Variants in RGS6 observed in about 807,000 individuals in gnomAD.
RGS6 encodes the protein regulator of G protein signaling 6, also known as regulator of G-protein signaling 6.
In RGS6, 30 loss-of-function variants were observed where a neutral mutation model predicts 78.5. That is an observed-to-expected ratio of 0.38 (90% confidence interval 0.29 to 0.52). RGS6 has a LOEUF of 0.52. Ranked by LOEUF, RGS6 falls within the 20% of genes least tolerant of loss-of-function variation. The probability of loss-of-function intolerance (pLI) is 0.85; values close to 1 mark genes in which losing one functional copy is unlikely to be tolerated. For synonymous variants in RGS6, 206 were observed against 206.0 expected, an observed-to-expected ratio of 1.00 and a Z score of 0.00; for missense variants, 495 against 609.7, an observed-to-expected ratio of 0.81 and a Z score of 1.98.
the RGS6 span, among the ~76,000 whole-genome samples, chr14:72,593,150 C>A: frequency 6.6e-6 from 1 of 152,206 alleles, no homozygotes; most frequent in Non-Finnish European, 1.5e-5. Flanking sequence ...GGACCCACAA[C>A]CATGCCCAAG....
At chr14:72,583,691 T>A in the RGS6 span, among the ~76,000 whole-genome samples, 1 of 152,208 alleles carries the variant, frequency 6.6e-6, no homozygotes, top group African/African-American at 2.4e-5. Context: ...TTTCTGCCAA[T>A]CCTTCTTGAT....
At chr14:72,377,471 C>G (rs2085048629) in intron 3 of RGS6, among the ~76,000 whole-genome samples, 1 of 152,050 alleles carries the variant, frequency 6.6e-6, no homozygotes, top group African/African-American at 2.4e-5. Context: ...ACCCCACTCT[C>G]AGCCTTCGAC....
intron 2 of RGS6, among the ~76,000 whole-genome samples, chr14:71,980,454 C>T (rs1010730927): frequency 2.1e-5 from 3 of 144,948 alleles, no homozygotes; most frequent in African/African-American, 7.7e-5. Flanking sequence ...TAGGGCAGGC[C>T]TGGTGGTGAC....
the RGS6 span, among the ~76,000 whole-genome samples, chr14:72,600,687 A>G: frequency 6.6e-6 from 1 of 152,098 alleles, no homozygotes; most frequent in Admixed American, 6.6e-5. Flanking sequence ...TCATGTTCTC[A>G]GTCTGGACCC....
At chr14:71,907,511 G>C in the RGS6 span, among the ~76,000 whole-genome samples, 5 of 152,152 alleles carry the variant, frequency 3.3e-5, no homozygotes, top group Admixed American at 3.3e-4. Context: ...GGAGAGGCAG[G>C]GCTGGAGAGG....
At chr14:72,359,303 C>G (rs1296576892) in intron 3 of RGS6, among the ~76,000 whole-genome samples, 1 of 151,336 alleles carries the variant, frequency 6.6e-6, no homozygotes, top group South Asian at 2.1e-4. Flanking sequence ...ATGATCCACA[C>G]TTTTTGGCTT....
chr14:72,046,986 T>A (rs1024850077), intron 2 of RGS6, among the ~76,000 whole-genome samples: 27 of 152,354 alleles, frequency 1.8e-4, no homozygotes, highest in African/African-American at 5.0e-4. Context: ...TTTTGTTAGA[T>A]GATCCTATGG....
chr14:72,080,947 A>C (rs1042518899), intron 2 of RGS6, among the ~76,000 whole-genome samples: 3 of 152,140 alleles, frequency 2.0e-5, no homozygotes, highest in African/African-American at 7.2e-5. Context: ...GAAATCAGGT[A>C]GTGTGATGTC....
chr14:71,918,184 C>CAAAAAAAAAAAAAAA, the RGS6 span, among the ~76,000 whole-genome samples: 5 of 33,724 alleles, frequency 1.5e-4, 1 homozygote, highest in African/African-American at 1.8e-4. Flanking sequence ...ACTCCAGTCT[C>CAAAAAAAAAAAAAAA]AAAAAAAAAA....
Position 72,506,984 on chromosome 14 carries a change from TAAAAAAAAAAAAAA to T in RGS6, c.966-3148_966-3135del, listed in dbSNP as rs71109738. On this transcript the variant is annotated intron_variant, in intron 13 of 17. Transcript: ENST00000553525. ...TAACACGGTGAAACCCTGTCTCTACTAAAAAAAAAAAAAAAAAAAAAAAAAAAAAAAAAAATTAG... is the reference window on the plus strand; with the variant it reads ...TAACACGGTGAAACCCTGTCTCTACTAAAAAAAAAAAAAAAAAAAAATTAG... 5.0e-4 allele frequency among the ~76,000 whole-genome samples: 27 copies of T among 54,400 alleles called. No individual in the cohort carries two copies. The East Asian group carries it at 5.5e-3, about 11-fold the overall frequency. 35.7% of individuals were successfully genotyped at this position (54,400 alleles called of 152,430 possible). A position where few individuals can be genotyped will look rare whatever the true frequency, so the allele number is the denominator to read the frequency against.
At chr14:72,003,523 A>G (rs2083901671) in intron 2 of RGS6, among the ~76,000 whole-genome samples, 1 of 152,136 alleles carries the variant, frequency 6.6e-6, no homozygotes, top group Non-Finnish European at 1.5e-5. Context: ...ACATACCTTG[A>G]TTATTAGCTT....
intron 2 of RGS6, among the ~76,000 whole-genome samples, chr14:72,131,543 C>T (rs2096316145): frequency 6.6e-6 from 1 of 152,176 alleles, no homozygotes; most frequent in Admixed American, 6.5e-5. Context: ...GTCTCCCTGT[C>T]TCACCTCAGG....
chr14:72,513,048 A>T (rs910199954), intron 14 of RGS6, among the ~76,000 whole-genome samples: 2 of 152,178 alleles, frequency 1.3e-5, no homozygotes, highest in Non-Finnish European at 2.9e-5. Context: ...AGGATTGGTG[A>T]GGGGCCCAGG....
rs188633999 is a variant in RGS6 at position 72,120,911 on chromosome 14, G to A, written c.84+156036G>A. Among the ~76,000 whole-genome samples, 457 of 152,276 alleles carry A rather than the reference G, an allele frequency of 3.0e-3. 3 individuals are homozygous for A. The highest frequency in any genetic ancestry group is 0.01 in the African/African-American group (422 of 41,558). On this transcript the variant is annotated intron_variant, in intron 2 of 17. Coordinates refer to ENST00000553525, the MANE Select transcript of RGS6 (RefSeq NM_001204424.2). ...ATTCCGTTGTCAAAACTCATCACGT[G>A]GAACACCTAAGGTGTGTATTTTATT...
intron 3 of RGS6, among the ~76,000 whole-genome samples, chr14:72,434,067 G>C (rs2094787397): frequency 6.6e-6 from 1 of 152,228 alleles, no homozygotes; most frequent in African/African-American, 2.4e-5. Context: ...TGGGCACAGT[G>C]ACTGACATCT....
intron 15 of RGS6, among the ~76,000 whole-genome samples, chr14:72,532,074 C>A (rs2097189017): frequency 6.6e-6 from 1 of 152,138 alleles, no homozygotes; most frequent in Admixed American, 6.5e-5. Context: ...TGTATTATGC[C>A]TTATAGATTC....
chr14:72,396,103 G>A (rs180716381), intron 3 of RGS6, among the ~76,000 whole-genome samples: 2,781 of 152,140 alleles, frequency 0.018, 104 homozygotes, highest in African/African-American at 0.062. Flanking sequence ...CTGAGGAATC[G>A]CCACACCAAC....
At chr14:72,012,394 G>C (rs1244007643) in intron 2 of RGS6, among the ~76,000 whole-genome samples, 1 of 152,034 alleles carries the variant, frequency 6.6e-6, no homozygotes, top group Non-Finnish European at 1.5e-5. Flanking sequence ...CTTGCTCTTT[G>C]AACTTTAAAG....
chr14:71,966,114 TTAAAC>T (rs1352822180), intron 2 of RGS6, among the ~76,000 whole-genome samples: 3 of 152,222 alleles, frequency 2.0e-5, no homozygotes, highest in Non-Finnish European at 2.9e-5. Flanking sequence ...TTGTGAAAAT[TTAAAC>T]TAACTCTCTT....
Sources: allele counts gnomAD v4.1 joint callset (sites outside exome capture counted in the v4.1 genomes callset), GRCh38; gene constraint gnomAD v4.1.1; transcripts MANE v1.5; gene names NCBI Gene and HGNC (gene_info 2026-07-23, HGNC 2026-07-21).